SBF2: variants seen among roughly 807,000 people sequenced by gnomAD.
The protein encoded by SBF2 is myotubularin-related protein 13.
Under a neutral mutation model 225.2 loss-of-function variants are expected in SBF2, and 112 were observed. The observed-to-expected ratio is 0.50, with a 90% CI of 0.43 to 0.58. The LOEUF (loss-of-function observed/expected upper bound fraction) is 0.58, where lower values mean the gene tolerates loss of function less well. Among genes scored for constraint, SBF2 ranks in the 20% least tolerant of loss-of-function variants. SBF2 has a pLI of 0.00. For missense variants in SBF2, 1,996 were observed against 2,206.2 expected, an observed-to-expected ratio of 0.90 and a Z score of 1.91; for synonymous variants, 763 against 773.3, an observed-to-expected ratio of 0.99 and a Z score of 0.22.
intron 13 of SBF2, among the ~76,000 whole-genome samples, chr11:9,970,362 C>A (rs61877004): frequency 6.6e-6 from 1 of 151,938 alleles, no homozygotes; most frequent in Non-Finnish European, 1.5e-5. Flanking sequence ...CCCACCACCA[C>A]GCCCGGCTAA....
chr11:10,283,244 A>G (rs1963527571), intron 1 of SBF2, among the ~76,000 whole-genome samples: 1 of 152,214 alleles, frequency 6.6e-6, no homozygotes, highest in Non-Finnish European at 1.5e-5. Context: ...CCTGGAAAGC[A>G]ATAAATAACT....
chr11:10,234,271 C>A (rs1383054961), intron 1 of SBF2, among the ~76,000 whole-genome samples: 1 of 151,820 alleles, frequency 6.6e-6, no homozygotes, highest in East Asian at 1.9e-4. Flanking sequence ...ATGCTTTTAC[C>A]CTGGCATCAA....
At chr11:10,257,658 T>A (rs1329440503) in intron 1 of SBF2, among the ~76,000 whole-genome samples, 2 of 106,716 alleles carry the variant, frequency 1.9e-5, no homozygotes, top group East Asian at 5.6e-4. Context: ...GAGTGAGGCC[T>A]TGCCTCAAAA....
intron 25 of SBF2, among the ~76,000 whole-genome samples, chr11:9,841,731 G>C (rs1030013200): frequency 1.3e-5 from 2 of 151,996 alleles, no homozygotes; most frequent in Non-Finnish European, 2.9e-5. Flanking sequence ...ACAGGGTTTC[G>C]CCATGTTGGC....
At chr11:10,010,568 G>A (rs535082194) in intron 6 of SBF2, among the ~76,000 whole-genome samples, 13 of 152,240 alleles carry the variant, frequency 8.5e-5, no homozygotes, top group African/African-American at 2.4e-4. Flanking sequence ...TGTTATTTCT[G>A]AGGCCTCTGT....
intron 16 of SBF2, among the ~76,000 whole-genome samples, chr11:9,932,856 A>C (rs1298840415): frequency 6.6e-6 from 1 of 151,474 alleles, no homozygotes; most frequent in Non-Finnish European, 1.5e-5. Flanking sequence ...AAGAGTCAAG[A>C]CCCATCGGTG....
chr11:10,153,820 T>C (rs1285698108), intron 2 of SBF2, among the ~76,000 whole-genome samples: 1 of 152,148 alleles, frequency 6.6e-6, no homozygotes, highest in Non-Finnish European at 1.5e-5. Context: ...CATTTAGGTC[T>C]ATGATTTATT....
chr11:9,912,012 A>G (rs9919609), intron 16 of SBF2, among the ~76,000 whole-genome samples: 43,879 of 152,176 alleles, frequency 0.29, 7,229 homozygotes, highest in African/African-American at 0.45. Flanking sequence ...TAAAAACACT[A>G]TAAATTTTTT....
At chr11:9,962,902 T>C (rs556120623) in intron 15 of SBF2, among the ~76,000 whole-genome samples, 8 of 152,188 alleles carry the variant, frequency 5.3e-5, no homozygotes, top group African/African-American at 1.4e-4. Flanking sequence ...TAAGAAAACA[T>C]AGAAACCAAA....
rs1233967178 is a variant in SBF2, at chr11:9,832,397, G to A, written c.3479C>T (p.Pro1160Leu). ...CRSYPGLLVV[P>L]QAVQDSSLPR... ...TAAACTACTGTCCTGTACAGCTTGA[G>A]GTACGACTAAAAGGCCAGGATAGCT... The change falls in exon 27 of 40, where the codon CCT becomes CTT. Residue 1160 changes from proline to leucine, a missense_variant. Physicochemically the swap from Pro to Leu is moderately conservative, Grantham distance 98. Coordinates refer to ENST00000256190, the MANE Select transcript of SBF2 (RefSeq NM_030962.4). 1.2e-6 allele frequency: 2 copies of A among 1,613,806 alleles called. No individual in the cohort carries two copies. The highest frequency in any genetic ancestry group is 3.3e-5 in the Admixed American group (2 of 60,004).
chr11:9,936,030 T>C (rs1467587734), intron 16 of SBF2, among the ~76,000 whole-genome samples: 2 of 152,128 alleles, frequency 1.3e-5, no homozygotes, highest in African/African-American at 4.8e-5. Flanking sequence ...ATCTACAGAA[T>C]GGGAGAAAAA....
At chr11:10,129,274 T>C (rs1425445055) in intron 2 of SBF2, among the ~76,000 whole-genome samples, 4 of 152,102 alleles carry the variant, frequency 2.6e-5, no homozygotes, top group Non-Finnish European at 5.9e-5. Flanking sequence ...CAGTTAATTT[T>C]TGTATTTTTA....
At chr11:10,131,802 T>A (rs940713199) in intron 2 of SBF2, among the ~76,000 whole-genome samples, 3 of 152,180 alleles carry the variant, frequency 2.0e-5, no homozygotes, top group African/African-American at 7.2e-5. Flanking sequence ...TGCCAATATT[T>A]TATCCTAGTC....
At position 10,048,237 on chromosome 11, in the gene SBF2, C is replaced by T. The variant is rs1393435663; in HGVS notation, c.142-5256G>A. The stretch of plus-strand genomic sequence containing the variant: ...TTTTTCTCTCAACAACCCATCTATA[C>T]TAAATTCCATAACCCTATATCTCAG... On this transcript the variant is annotated intron_variant, in intron 2 of 39. Coordinates refer to ENST00000256190, the MANE Select transcript of SBF2 (RefSeq NM_030962.4). 2.0e-5 allele frequency among the ~76,000 whole-genome samples: 3 copies of T among 152,272 alleles called. No homozygotes were observed. In the East Asian group the frequency reaches 5.8e-4, roughly 29 times the overall value.
chr11:9,931,789 T>G (rs543035002), intron 16 of SBF2, among the ~76,000 whole-genome samples: 1 of 152,142 alleles, frequency 6.6e-6, no homozygotes, highest in African/African-American at 2.4e-5. Context: ...CTTTGATGAG[T>G]TGACAGAAGT....
chr11:10,055,545 A>G (rs993330262), intron 2 of SBF2, among the ~76,000 whole-genome samples: 30 of 149,354 alleles, frequency 2.0e-4, no homozygotes, highest in African/African-American at 7.3e-4. Context: ...ACACACACAC[A>G]CACACACACA....
intron 16 of SBF2, among the ~76,000 whole-genome samples, chr11:9,912,646 C>T (rs1862738137): frequency 6.6e-6 from 1 of 152,172 alleles, no homozygotes; most frequent in Non-Finnish European, 1.5e-5. Context: ...CTGTGGCCCA[C>T]CACAATTCTT....
chr11:10,250,498 T>A (rs960603667), intron 1 of SBF2, among the ~76,000 whole-genome samples: 8 of 152,194 alleles, frequency 5.3e-5, no homozygotes, highest in Non-Finnish European at 4.4e-5. Flanking sequence ...TTATAAATTG[T>A]GAAAATTAGT....
chr11:10,109,432 T>C (rs1952730611), intron 2 of SBF2, among the ~76,000 whole-genome samples: 1 of 152,148 alleles, frequency 6.6e-6, no homozygotes. Flanking sequence ...TCATAAAAGT[T>C]TGACAGTATT....
Sources: gnomAD v4.1 joint callset for allele counts (sites outside exome capture counted in the v4.1 genomes callset) on GRCh38, gnomAD v4.1.1 for gene constraint, MANE v1.5 for transcripts, NCBI Gene and HGNC (gene_info 2026-07-23, HGNC 2026-07-21) for gene names.